The following CES4A variants were observed in gnomAD, a reference collection of about 807,000 sequenced individuals.
The protein encoded by CES4A is carboxylesterase 4A.
In CES4A, 48 loss-of-function variants were observed where a neutral mutation model predicts 65.4. The ratio of observed to expected loss-of-function variants is 0.73; its 90% CI spans 0.58 to 0.93. The LOEUF (loss-of-function observed/expected upper bound fraction) is 0.93, where lower values mean the gene tolerates loss of function less well. Ranked by LOEUF, CES4A falls within the 40% of genes least tolerant of loss-of-function variation. The pLI is 0.00. For synonymous variants in CES4A, 247 were observed against 281.8 expected (o/e 0.88, Z 1.24); for missense variants, 685 against 728.5 (o/e 0.94, Z 0.69).
At position 66,990,591 on chromosome 16, in the gene CES4A, C is replaced by T. The variant is rs76962767; in HGVS notation, c.58+1761C>T. 4.4e-4 allele frequency among the ~76,000 whole-genome samples: 67 copies of T among 151,884 alleles called. No homozygotes were observed. The East Asian group carries it at 0.013, about 29-fold the overall frequency. ...GTGCATGCCTGCAGTCCCAACTGCT[C>T]GAGAGGCTGAAGTGAGAGGCTCACT... On this transcript the variant is annotated intron_variant, in intron 1 of 13. Transcript: ENST00000648724.
At chr16:67,005,469 C>A in intron 11 of CES4A, 76 bp downstream of exon 11, 1 of 1,395,216 alleles carries the variant, frequency 7.2e-7, no homozygotes, top group Non-Finnish European at 9.9e-7. Context: ...CTGGGCTTAT[C>A]GACTGCTCCC....
At chr16:66,996,907 A>C (rs1412048503) in intron 2 of CES4A, among the ~76,000 whole-genome samples, 2 of 152,046 alleles carry the variant, frequency 1.3e-5, no homozygotes, top group Non-Finnish European at 2.9e-5. Flanking sequence ...TTTTAAAAAA[A>C]TATCTGGGGG....
chr16:67,008,424 A>T (rs1965938983), intron 13 of CES4A: 1 of 151,394 alleles, frequency 6.6e-6, no homozygotes, highest in African/African-American at 2.4e-5. Flanking sequence ...TGTTTTTGAG[A>T]CAGTCTCGCT....
chr16:67,010,224 C>T (rs1451784167), downstream of CES4A, among the ~76,000 whole-genome samples: 1 of 151,622 alleles, frequency 6.6e-6, no homozygotes, highest in East Asian at 1.9e-4. Flanking sequence ...CACCACCATG[C>T]CCGGCTTATT....
rs1965764765 is a variant in CES4A at position 67,006,438 on chromosome 16, G to C, written c.1363G>C (p.Gly455Arg). 2.0e-6 allele frequency: 3 copies of C among 1,536,452 alleles called. No homozygotes were observed. In the African/African-American group the frequency reaches 4.1e-5, roughly 21 times the overall value. Residue 455 changes from glycine to arginine, a missense_variant, in exon 12 of 14, where the codon GGA becomes CGA. Gly to Arg is a moderately radical substitution (Grantham distance 125). Transcript: ENST00000648724. The stretch of plus-strand genomic sequence containing the variant: ...GTATGAATTTGAGCACCACGCTCGT[G>C]GAATAATCGTCAAACCCCGCACTGA...
At chr16:67,004,818 A>G in exon 10 of CES4A, 1 of 1,536,134 alleles carries the variant, frequency 6.5e-7, no homozygotes, top group Non-Finnish European at 8.7e-7. Flanking sequence ...CTAAACCGGC[A>G]GGCGATGAGA....
At chr16:67,006,871 G>C (rs1965805843) in intron 13 of CES4A, 54 bp downstream of exon 13, 1 of 1,531,952 alleles carries the variant, frequency 6.5e-7, no homozygotes, top group East Asian at 2.3e-5. Context: ...TGCTGGACCT[G>C]AAGAAGCCAG....
exon 14 of CES4A, chr16:67,009,188 T>G (rs1221907739): frequency 6.4e-7 from 1 of 1,567,938 alleles, no homozygotes; most frequent in Non-Finnish European, 8.7e-7. Context: ...GCCCCCACCA[T>G]CCAGGCCCTG....
chr16:66,989,803 C>G (rs559605592), intron 1 of CES4A, among the ~76,000 whole-genome samples: 1 of 151,392 alleles, frequency 6.6e-6, no homozygotes, highest in East Asian at 2.0e-4. Flanking sequence ...TGTAGTGAGC[C>G]GAGATCGTGC....
Position 67,000,838 on chromosome 16 carries a change from C to G in CES4A, c.403-19C>G. 1 of 1,569,318 alleles carries G rather than the reference C, an allele frequency of 6.4e-7. No individual in the cohort carries two copies. The highest frequency in any genetic ancestry group is 1.7e-4 in the Middle Eastern group (1 of 6,006). ...CCGCCGCCCACCGCCCCGCTCAGAT[C>G]CCGGCCTTCTTCGTCCAGGTGATGG... On this transcript the variant is annotated intron_variant, in intron 3 of 13. Transcript: ENST00000648724. The surrounding 1 kb of genome is among the most constrained non-coding windows in gnomAD (Gnocchi z 4.2).
intron 1 of CES4A, among the ~76,000 whole-genome samples, chr16:66,991,703 A>T (rs888505922): frequency 6.6e-6 from 1 of 152,216 alleles, no homozygotes; most frequent in Non-Finnish European, 1.5e-5. Flanking sequence ...CTCTGATGTA[A>T]GATACTTTTC....
In CES4A at chr16:67,001,191, G is replaced by A. The variant is rs1210129480; in HGVS notation, c.537-117G>A. ...TAACTCCAAGGAAGGGGGTGTGGTC[G>A]CAGGACTGGGTCTTAGAGGGGCAAG... On this transcript the variant is annotated intron_variant, in intron 4 of 13. Coordinates refer to ENST00000648724, the Ensembl canonical transcript of CES4A. This position sits in a 1 kb window ranked among gnomAD's most constrained non-coding sequence, Gnocchi z 4.1. The A allele has an allele frequency of 5.0e-6, 7 of 1,386,592 alleles. No homozygotes were observed. Among genetic ancestry groups the A allele is most frequent in the Non-Finnish European group, 6.7e-6 (7 of 1,044,752 alleles). 85.9% of individuals were successfully genotyped at this position (1,386,592 alleles called of 1,614,324 possible).
chr16:67,008,372 T>C (rs1965931201), intron 13 of CES4A: 1 of 152,230 alleles, frequency 6.6e-6, no homozygotes, highest in Non-Finnish European at 1.5e-5. Flanking sequence ...CTTTCCACTT[T>C]GATCCCTTTC....
Position 67,001,341 on chromosome 16 carries a change from G to C in CES4A, c.570G>C (p.Gly190=). The change falls in exon 5 of 14, where the codon GGG becomes GGC. Residue 190 remains glycine (G), a synonymous_variant. Transcript: ENST00000648724. This position sits in a 1 kb window ranked among gnomAD's most constrained non-coding sequence, Gnocchi z 4.1. ...ACAGCCACGCGCGCGGGAACTGGGG[G>C]CTGCTGGACCAGATGGCGGCTCTGC... 1 of 1,612,632 alleles carries C rather than the reference G, an allele frequency of 6.2e-7. No individual in the cohort carries two copies. Among genetic ancestry groups the C allele is most frequent in the Non-Finnish European group, 8.5e-7 (1 of 1,179,394 alleles).
intron 2 of CES4A, among the ~76,000 whole-genome samples, chr16:66,998,056 C>T (rs550078032): frequency 1.3e-5 from 2 of 150,408 alleles, no homozygotes; most frequent in South Asian, 2.1e-4. Context: ...CGTGGAGGGG[C>T]GGTAAGGTGG....
downstream of CES4A, among the ~76,000 whole-genome samples, chr16:67,010,040 C>G (rs1966052336): frequency 6.6e-6 from 1 of 151,488 alleles, no homozygotes; most frequent in Non-Finnish European, 1.5e-5. Flanking sequence ...GCCTGTCCCA[C>G]AGTTTTGTTT....
rs762511969 is a variant in CES4A, at chr16:67,003,225, C to T, written c.796-31C>T. The T allele has an allele frequency of 1.4e-5, 23 of 1,611,624 alleles. No homozygotes were observed. Among genetic ancestry groups the T allele is most frequent in the Non-Finnish European group, 1.3e-5 (15 of 1,177,696 alleles). ...TCAGCATGGAAGGGCAGGATGGAAG[C>T]ACCACTGAGCATCCTTTCTTCTCTC... On this transcript the variant is annotated intron_variant, in intron 6 of 13. Transcript: ENST00000648724. The surrounding 1 kb of genome is among the most constrained non-coding windows in gnomAD (Gnocchi z 4.2).
intron 13 of CES4A, 95 bp from the exon 14 acceptor site, chr16:67,008,879 C>T (rs1181662293): frequency 7.6e-7 from 1 of 1,313,152 alleles, no homozygotes; most frequent in East Asian, 2.3e-5. Flanking sequence ...TCTGGAACCC[C>T]AAGTCCCAAG....
intron 5 of CES4A, among the ~76,000 whole-genome samples, chr16:67,002,327 T>G (rs1965424175): frequency 6.6e-6 from 1 of 152,074 alleles, no homozygotes; most frequent in Admixed American, 6.6e-5. Flanking sequence ...GATGTGCATT[T>G]AGAGAGATGG....
Sources: gnomAD v4.1 joint callset for allele counts (sites outside exome capture counted in the v4.1 genomes callset) on GRCh38, gnomAD v4.1.1 for gene constraint, Gnocchi (gnomAD v3.1) non-coding constraint, MANE v1.5 for transcripts, NCBI Gene and HGNC (gene_info 2026-07-23, HGNC 2026-07-21) for gene names.